Variants in ARPP21 observed in about 807,000 individuals in gnomAD.
ARPP21 encodes cAMP regulated phosphoprotein 21.
A neutral mutation model predicts 113.2 loss-of-function variants in ARPP21; 69 were observed. The observed-to-expected ratio is 0.61, with a 90% CI of 0.50 to 0.74. The LOEUF (loss-of-function observed/expected upper bound fraction) is 0.74. Among genes scored for constraint, ARPP21 ranks in the 30% least tolerant of loss-of-function variants. ARPP21 has a pLI of 0.00. For synonymous variants in ARPP21, 368 were observed against 375.5 expected (o/e 0.98, Z 0.23); for missense variants, 1,070 against 1,037.4 (o/e 1.03, Z -0.43).
chr3:35,641,047 T>C (rs542402022), intron 1 of ARPP21: 1 of 152,278 alleles, frequency 6.6e-6, no homozygotes, highest in Admixed American at 6.5e-5. Flanking sequence ...CTCCTGAAGA[T>C]GTAGGGTAAG....
At chr3:35,788,443 A>G (rs1452576636) in intron 19 of ARPP21, among the ~76,000 whole-genome samples, 8 of 152,206 alleles carry the variant, frequency 5.3e-5, no homozygotes, top group Non-Finnish European at 1.5e-5. Flanking sequence ...TTCCCTTAAT[A>G]GACACATGTA....
intron 1 of ARPP21, among the ~76,000 whole-genome samples, chr3:35,667,841 AAAGAAGAAG>A (rs757542723): frequency 2.8e-4 from 23 of 81,538 alleles, no homozygotes; most frequent in South Asian, 4.6e-4. Context: ...TTTTATTCTC[AAAGAAGAAG>A]AAGAAGAAGA....
At chr3:35,763,144 A>T (rs150943549) in intron 19 of ARPP21, among the ~76,000 whole-genome samples, 2,027 of 152,244 alleles carry the variant, frequency 0.013, 19 homozygotes, top group African/African-American at 0.029. Context: ...TAAAAATTTA[A>T]TTACACAGCT....
intron 13 of ARPP21, among the ~76,000 whole-genome samples, chr3:35,719,696 C>T (rs1311928702): frequency 2.6e-5 from 4 of 152,062 alleles, no homozygotes; most frequent in Non-Finnish European, 5.9e-5. Context: ...AGGGATCACC[C>T]CCATATGGAG....
At chr3:35,710,061 G>A (rs2090538415) in intron 11 of ARPP21, among the ~76,000 whole-genome samples, 1 of 152,170 alleles carries the variant, frequency 6.6e-6, no homozygotes, top group Admixed American at 6.6e-5. Context: ...TGAAAGTGCA[G>A]GGGAGATTCA....
At chr3:35,755,665 G>A (rs190453990) in intron 19 of ARPP21, among the ~76,000 whole-genome samples, 11 of 152,148 alleles carry the variant, frequency 7.2e-5, no homozygotes, top group African/African-American at 1.7e-4. Flanking sequence ...CTTGTTCACC[G>A]TGGTATCCCT....
At position 35,794,321 on chromosome 3, in the gene ARPP21, A is replaced by C. The variant is rs1278636148; in HGVS notation, c.*363A>C. 5 of 232,230 alleles carry C rather than the reference A, an allele frequency of 2.2e-5. No homozygotes were observed. Among genetic ancestry groups the C allele is most frequent in the Admixed American group, 5.0e-5 (1 of 19,856 alleles). The allele number at this position is 232,230 out of a possible 1,614,324, so 14.4% of individuals were successfully genotyped here. ...ATTTAAAAATTATATACTAAATCAC[A>C]TTGTACCAAAGCTGTAATGGAAAAG... On this transcript the variant is annotated 3_prime_UTR_variant, in exon 21 of 21. Transcript: ENST00000684406.
At chr3:35,768,720 T>A (rs558808942) in intron 19 of ARPP21, among the ~76,000 whole-genome samples, 2 of 152,342 alleles carry the variant, frequency 1.3e-5, no homozygotes. Context: ...ATTTGTCTTA[T>A]CACTGAAAGG....
chr3:35,717,388 T>C (rs1281549593), intron 13 of ARPP21, 31 bp downstream of exon 13: 5 of 1,342,758 alleles, frequency 3.7e-6, no homozygotes, highest in Non-Finnish European at 5.4e-6. Context: ...TAAACTGTGT[T>C]TTTTTCAAAT....
intron 1 of ARPP21, among the ~76,000 whole-genome samples, chr3:35,668,020 GAAGAAGA>G (rs1559550454): frequency 2.5e-4 from 37 of 149,226 alleles, no homozygotes; most frequent in African/African-American, 4.7e-4. Flanking sequence ...AGAAGAAGAA[GAAGAAGA>G]AGAAGGAGAA....
intron 1 of ARPP21, among the ~76,000 whole-genome samples, chr3:35,662,381 A>T (rs563371880): frequency 6.6e-6 from 1 of 152,238 alleles, no homozygotes; most frequent in South Asian, 2.1e-4. Flanking sequence ...AGCATTTTCA[A>T]CCCTTCTGAA....
chr3:35,794,310 T>C lies in ARPP21; in HGVS notation c.*352T>C, dbSNP rs893699584. ...ATGCTAAAAGTATTTAAAAATTATATACTAAATCACATTGTACCAAAGCTG... is the reference window on the plus strand; with the variant it reads ...ATGCTAAAAGTATTTAAAAATTATACACTAAATCACATTGTACCAAAGCTG... On this transcript the variant is annotated 3_prime_UTR_variant, in exon 21 of 21. Transcript: ENST00000684406. 1 of 249,826 alleles carries C rather than the reference T, an allele frequency of 4.0e-6. No homozygotes were observed. The highest frequency in any genetic ancestry group is 2.2e-5 in the African/African-American group (1 of 45,566). 15.5% of individuals were successfully genotyped at this position (249,826 alleles called of 1,614,324 possible).
intron 19 of ARPP21, among the ~76,000 whole-genome samples, chr3:35,747,288 G>A (rs2095120405): frequency 6.6e-6 from 1 of 151,042 alleles, no homozygotes; most frequent in Non-Finnish European, 1.5e-5. Context: ...CTGGGAGGTG[G>A]AGGTGGCAGT....
intron 9 of ARPP21, among the ~76,000 whole-genome samples, chr3:35,695,952 C>T (rs1487786914): frequency 3.3e-5 from 5 of 151,516 alleles, no homozygotes; most frequent in Admixed American, 3.3e-4. Flanking sequence ...CAGCAGGATG[C>T]TAATTCAGGA....
intron 19 of ARPP21, 130 bp from the exon 20 acceptor site, chr3:35,792,252 T>A (rs2096762258): frequency 5.4e-6 from 4 of 737,328 alleles, no homozygotes; most frequent in Non-Finnish European, 9.2e-6. Flanking sequence ...GGAATAAACA[T>A]CTGATAACAC....
chr3:35,735,633 A>G (rs773478731), intron 15 of ARPP21, among the ~76,000 whole-genome samples: 1 of 152,178 alleles, frequency 6.6e-6, no homozygotes, highest in Non-Finnish European at 1.5e-5. Context: ...TGCCTCCACC[A>G]TCTCCCTTAT....
At chr3:35,676,121 A>C (rs2077423059) in intron 1 of ARPP21, among the ~76,000 whole-genome samples, 2 of 151,978 alleles carry the variant, frequency 1.3e-5, no homozygotes, top group Admixed American at 1.3e-4. Context: ...TCTTGCTCAT[A>C]GTAGAAGCTC....
intron 19 of ARPP21, among the ~76,000 whole-genome samples, chr3:35,768,079 C>CGTGTGTGTGT (rs5847897): frequency 9.0e-5 from 10 of 111,730 alleles, no homozygotes; most frequent in East Asian, 6.0e-4. Flanking sequence ...CATGCTTTTC[C>CGTGTGTGTGT]GTGTGTGTGT....
intron 5 of ARPP21, among the ~76,000 whole-genome samples, chr3:35,687,419 A>C (rs1299684722): frequency 6.6e-6 from 1 of 151,250 alleles, no homozygotes; most frequent in Non-Finnish European, 1.5e-5. Flanking sequence ...ACTGATAAAG[A>C]AATTTTTTCT....
Sources: allele counts gnomAD v4.1 joint callset (sites outside exome capture counted in the v4.1 genomes callset), GRCh38; gene constraint gnomAD v4.1.1; transcripts MANE v1.5; gene names NCBI Gene and HGNC (gene_info 2026-07-23, HGNC 2026-07-21).